Variants in ATP9B observed in about 807,000 individuals in gnomAD.
The protein encoded by ATP9B is probable phospholipid-transporting ATPase IIB.
In ATP9B, 110 loss-of-function variants were observed where a neutral mutation model predicts 146.1. That is an observed-to-expected ratio of 0.75 (90% CI 0.65 to 0.88). ATP9B has a LOEUF of 0.88. ATP9B is among the 40% of genes least tolerant of loss of function. The probability of loss-of-function intolerance (pLI) is 0.00; values close to 1 mark genes in which losing one functional copy is unlikely to be tolerated. For missense variants in ATP9B, 1,499 were observed against 1,496.4 expected (o/e 1.00, Z -0.03); for synonymous variants, 604 against 569.7 (o/e 1.06, Z -0.86).
At chr18:79,362,941 T>C (rs2096998945) in intron 26 of ATP9B, 1 of 152,236 alleles carries the variant, frequency 6.6e-6, no homozygotes, top group South Asian at 2.1e-4. Context: ...TCTCAAATGG[T>C]TTTATCTTTT....
intron 11 of ATP9B, among the ~76,000 whole-genome samples, chr18:79,215,148 A>C (rs1259622024): frequency 8.6e-5 from 2 of 23,382 alleles, no homozygotes; most frequent in Non-Finnish European, 1.5e-4. Flanking sequence ...ATTCTGTCTC[A>C]AAAAAAAAAA....
chr18:79,331,216 C>A (rs987622546), intron 17 of ATP9B, among the ~76,000 whole-genome samples: 2 of 152,204 alleles, frequency 1.3e-5, no homozygotes, highest in Admixed American at 1.3e-4. Flanking sequence ...CAGAGATGGT[C>A]TGTCCGTGCA....
intron 9 of ATP9B, among the ~76,000 whole-genome samples, chr18:79,201,364 G>T (rs2095486040): frequency 6.6e-6 from 1 of 152,214 alleles, no homozygotes; most frequent in Non-Finnish European, 1.5e-5. Context: ...GCATTGTTAA[G>T]GAGTGGTATC....
chr18:79,200,998 G>A (rs141129941), intron 9 of ATP9B, among the ~76,000 whole-genome samples: 2 of 152,192 alleles, frequency 1.3e-5, no homozygotes, highest in Admixed American at 1.3e-4. Flanking sequence ...AACGGGAATG[G>A]CTTCACCCCA....
chr18:79,359,611 ATTG>A, intron 26 of ATP9B, 149 bp downstream of exon 26: 1 of 647,266 alleles, frequency 1.5e-6, no homozygotes, highest in Non-Finnish European at 2.8e-6. Flanking sequence ...ATGTCTCCTA[ATTG>A]TTGTTGGCAT....
At chr18:79,355,044 G>A (rs2096943345) in intron 25 of ATP9B, among the ~76,000 whole-genome samples, 1 of 152,240 alleles carries the variant, frequency 6.6e-6, no homozygotes, top group Non-Finnish European at 1.5e-5. Context: ...GTGATGGAAT[G>A]GGAGGAGGCA....
intron 7 of ATP9B, among the ~76,000 whole-genome samples, chr18:79,164,543 G>A (rs761193724): frequency 9.2e-5 from 14 of 151,944 alleles, no homozygotes; most frequent in Non-Finnish European, 1.0e-4. Flanking sequence ...GTGAAACCCC[G>A]TCTCTACTAA....
chr18:79,290,211 C>T, intron 13 of ATP9B, among the ~76,000 whole-genome samples: 1 of 152,230 alleles, frequency 6.6e-6, no homozygotes, highest in Non-Finnish European at 1.5e-5. Flanking sequence ...TGTGTCCTGC[C>T]CCCAGAGGTG....
Position 79,118,390 on chromosome 18 carries a change from G to GGTTTTTTTTTTTT in ATP9B, c.558+5036_558+5037insGTTTTTTTTTTTT, listed in dbSNP as rs1555689295. Among the ~76,000 whole-genome samples, 7 of 93,280 alleles carry GGTTTTTTTTTTTT rather than the reference G, an allele frequency of 7.5e-5. 1 individual carries two copies. Among genetic ancestry groups the GGTTTTTTTTTTTT allele is most frequent in the African/African-American group, 1.6e-4 (4 of 25,662 alleles). 61.2% of individuals were successfully genotyped at this position (93,280 alleles called of 152,430 possible). A position where few individuals can be genotyped will look rare whatever the true frequency, so the allele number is the denominator to read the frequency against. Reference sequence around the variant, plus strand: ...AAACACAATCATATTGAACGTTTTTGTTTTTTTTTTTTTTTTTTTTTTTTT... The same window carrying GGTTTTTTTTTTTT: ...AAACACAATCATATTGAACGTTTTTGGTTTTTTTTTTTTTTTTTTTTTTTTTTTTTTTTTTTTT... On this transcript the variant is annotated intron_variant, in intron 4 of 29. Coordinates refer to ENST00000426216, the MANE Select transcript of ATP9B (RefSeq NM_198531.5).
At chr18:79,238,687 T>C (rs1263567968) in intron 11 of ATP9B, among the ~76,000 whole-genome samples, 1 of 152,162 alleles carries the variant, frequency 6.6e-6, no homozygotes, top group Non-Finnish European at 1.5e-5. Context: ...GGGCCCTGGA[T>C]TTCACGCTTC....
chr18:79,197,050 G>C (rs1285655689), intron 9 of ATP9B, among the ~76,000 whole-genome samples: 1 of 151,854 alleles, frequency 6.6e-6, no homozygotes, highest in Non-Finnish European at 1.5e-5. Flanking sequence ...GCATATATAG[G>C]GTGTCACCAA....
chr18:79,335,112 A>C (rs1034337436), intron 17 of ATP9B, among the ~76,000 whole-genome samples: 1 of 151,512 alleles, frequency 6.6e-6, no homozygotes, highest in African/African-American at 2.4e-5. Flanking sequence ...GCAGAGTTCC[A>C]GAAGTGGCTT....
At chr18:79,204,170 G>T (rs921311631) in intron 9 of ATP9B, among the ~76,000 whole-genome samples, 1 of 152,110 alleles carries the variant, frequency 6.6e-6, no homozygotes, top group Non-Finnish European at 1.5e-5. Flanking sequence ...TAAACAAAAG[G>T]CAGTTTCCAT....
chr18:79,257,981 A>G (rs904075288), intron 12 of ATP9B, among the ~76,000 whole-genome samples: 1 of 152,172 alleles, frequency 6.6e-6, no homozygotes, highest in Non-Finnish European at 1.5e-5. Flanking sequence ...TTTTAGTGAA[A>G]TATTTTATTT....
chr18:79,226,624 G>A (rs1381367090), intron 11 of ATP9B, among the ~76,000 whole-genome samples: 1 of 152,208 alleles, frequency 6.6e-6, no homozygotes, highest in Non-Finnish European at 1.5e-5. Context: ...CTGGAGGCAG[G>A]AGCTGTGCCT....
intron 5 of ATP9B, among the ~76,000 whole-genome samples, chr18:79,130,182 C>T (rs2094354211): frequency 6.6e-6 from 1 of 152,190 alleles, no homozygotes; most frequent in Admixed American, 6.5e-5. Context: ...AATCAGCTGT[C>T]TTAAATGTGC....
intron 4 of ATP9B, among the ~76,000 whole-genome samples, chr18:79,123,946 G>A (rs1345789025): frequency 1.3e-5 from 2 of 152,200 alleles, no homozygotes; most frequent in Non-Finnish European, 2.9e-5. Context: ...AGGAATGCCA[G>A]TTAAAACCAG....
intron 13 of ATP9B, among the ~76,000 whole-genome samples, chr18:79,295,643 C>T (rs1033303512): frequency 2.6e-5 from 4 of 152,244 alleles, no homozygotes; most frequent in Non-Finnish European, 5.9e-5. Context: ...ACAGCAGATA[C>T]GTTACACTCA....
At chr18:79,076,425 G>A (rs990039701) in intron 1 of ATP9B, among the ~76,000 whole-genome samples, 3 of 152,092 alleles carry the variant, frequency 2.0e-5, no homozygotes, top group Non-Finnish European at 2.9e-5. Flanking sequence ...CACCAGATAC[G>A]GAATTCGGAG....
Sources: allele counts gnomAD v4.1 joint callset (sites outside exome capture counted in the v4.1 genomes callset), GRCh38; gene constraint gnomAD v4.1.1; transcripts MANE v1.5; gene names NCBI Gene and HGNC (gene_info 2026-07-23, HGNC 2026-07-21).